Variants in CFL2 observed in about 807,000 individuals in gnomAD.
CFL2 encodes cofilin-2.
In CFL2, 10 loss-of-function variants were observed where a neutral mutation model predicts 19.6. The observed-to-expected ratio is 0.51, with a 90% CI of 0.31 to 0.86. The LOEUF is 0.86. Among genes scored for constraint, CFL2 ranks in the 40% least tolerant of loss-of-function variants. The pLI, the probability that CFL2 is intolerant of heterozygous loss-of-function variation, is 0.04. For missense variants in CFL2, 125 were observed against 192.1 expected (o/e 0.65, Z 2.06); for synonymous variants, 63 against 66.7 (o/e 0.95, Z 0.27).
rs762277448 is a variant in CFL2 at position 34,711,395 on chromosome 14, C to CTGAATT, written c.*1469_*1470insAATTCA. 41 of 454,412 alleles carry CTGAATT rather than the reference C, an allele frequency of 9.0e-5. No individual in the cohort carries two copies. Among genetic ancestry groups the CTGAATT allele is most frequent in the Non-Finnish European group, 2.6e-5 (6 of 226,790 alleles). The allele number at this position is 454,412 out of a possible 1,614,324, so 28.1% of individuals were successfully genotyped here. A position where few individuals can be genotyped will look rare whatever the true frequency, so the allele number is the denominator to read the frequency against. On this transcript the variant is annotated 3_prime_UTR_variant, in exon 4 of 4. Transcript: ENST00000298159. The stretch of plus-strand genomic sequence containing the variant: ...CCTGGCTAACAGCAAACCGCTCACA[C>CTGAATT]TGAGCAGATCAAATTCTCTATAAGG...
intron 1 of CFL2, chr14:34,714,271 G>A (rs1885418505): frequency 4.1e-6 from 2 of 482,074 alleles, no homozygotes; most frequent in South Asian, 3.5e-5. Context: ...GCAGTCCGCA[G>A]ACCCTCTCGC....
intron 1 of CFL2, chr14:34,714,158 G>A: frequency 2.7e-6 from 1 of 374,110 alleles, no homozygotes; most frequent in South Asian, 4.1e-5. Flanking sequence ...ATTACAGGCC[G>A]TCCAGACCCT....
At chr14:34,714,484 G>T in intron 1 of CFL2, 54 bp downstream of exon 1, 1 of 1,542,920 alleles carries the variant, frequency 6.5e-7, no homozygotes, top group Non-Finnish European at 8.7e-7. Flanking sequence ...CCGGGGCCGT[G>T]CGGGGGGCTT....
chr14:34,713,935 T>C, intron 1 of CFL2: 2 of 881,240 alleles, frequency 2.3e-6, no homozygotes. Context: ...TTTCAGTTAA[T>C]GCTTCTACTA....
intron 1 of CFL2, 44 bp downstream of exon 1, chr14:34,714,494 T>C: frequency 1.3e-6 from 2 of 1,556,572 alleles, no homozygotes; most frequent in South Asian, 1.2e-5. Flanking sequence ...GCGGGGGGCT[T>C]TTCTCGCCTC....
intron 2 of CFL2, 38 bp from the exon 3 acceptor site, chr14:34,713,174 AGAAAAACAAAGGTAAGACTG>A: frequency 1.3e-6 from 2 of 1,577,088 alleles, no homozygotes; most frequent in East Asian, 4.5e-5. Context: ...CCCATTTATA[AGAAAAACAAAGGTAAGACTG>A]ACTATGATAA....
rs1885237692 is a variant in CFL2 at position 34,710,239 on chromosome 14, C to A, written c.*2626G>T. 9.0e-6 allele frequency: 2 copies of A among 222,230 alleles called. No individual in the cohort carries two copies. Among genetic ancestry groups the A allele is most frequent in the Non-Finnish European group, 1.8e-5 (2 of 109,848 alleles). The allele number at this position is 222,230 out of a possible 1,614,324, so 13.8% of individuals were successfully genotyped here. ...CTGATAGCCAGTTTGGGACACATGC[C>A]AACTGTTCCCATTTGTCTGAAAATG... On this transcript the variant is annotated 3_prime_UTR_variant, in exon 4 of 4. Coordinates refer to ENST00000298159, the MANE Select transcript of CFL2 (RefSeq NM_138638.5).
chr14:34,710,007 G>C lies in CFL2; in HGVS notation c.*2858C>G, dbSNP rs2040540637. On this transcript the variant is annotated 3_prime_UTR_variant, in exon 4 of 4. Transcript: ENST00000298159. The stretch of plus-strand genomic sequence containing the variant: ...CTCAACCTCTTGATGATTTACCATT[G>C]TTGAGATTATTCCTTAACAAGAAAA... 2 of 152,494 alleles carry C rather than the reference G, an allele frequency of 1.3e-5. No homozygotes were observed. The highest frequency in any genetic ancestry group is 4.8e-5 in the African/African-American group (2 of 41,428). The allele number at this position is 152,494 out of a possible 1,614,324, so 9.4% of individuals were successfully genotyped here.
Position 34,710,694 on chromosome 14 carries a change from CTTAA to C in CFL2, c.*2167_*2170del. On this transcript the variant is annotated 3_prime_UTR_variant, in exon 4 of 4. Transcript: ENST00000298159. The stretch of plus-strand genomic sequence containing the variant: ...CACAAAGATGTATTTCAAAGATGAA[CTTAA>C]TTATATTAGTATCAGTTTTGTCAAT... The C allele has an allele frequency of 2.2e-6, 1 of 451,344 alleles. No individual in the cohort carries two copies. Among genetic ancestry groups the C allele is most frequent in the Non-Finnish European group, 4.4e-6 (1 of 225,978 alleles). The allele number at this position is 451,344 out of a possible 1,614,324, so 28.0% of individuals were successfully genotyped here.
intron 1 of CFL2, chr14:34,714,182 T>C: frequency 5.4e-6 from 2 of 368,496 alleles, no homozygotes; most frequent in East Asian, 4.8e-5. Flanking sequence ...CCACACAGCG[T>C]TCGCAGCACG....
Position 34,713,306 on chromosome 14 carries a change from CA to C in CFL2, c.258del (p.Asp86GlufsTer14). The C allele has an allele frequency of 6.2e-7, 1 of 1,613,792 alleles. No homozygotes were observed. Among genetic ancestry groups the C allele is most frequent in the South Asian group, 1.1e-5 (1 of 90,962 alleles). On this transcript the variant is annotated frameshift_variant, in exon 2 of 4. Transcript: ENST00000298159. LOFTEE classifies it high-confidence loss of function. ...TTAGACTCTTTTGTTTCGTATGTGG[CA>C]TCGTACAAAGCATATCGGCAATCAT... ...PLNDCRYALY[D>X]ATYETKESKK...
Position 34,712,950 on chromosome 14 carries a change from C to G in CFL2, c.416G>C (p.Gly139Ala), listed in dbSNP as rs767724863. ...TGIKHEWQVN[G>A]LDDIKDRSTL... ...CGAACGGTCCTTAATATCATCCAAG[C>G]CATTTACTTGCCACTCATGTTTAAT... is the stretch of plus-strand genomic sequence containing the variant. Residue 139 changes from glycine to alanine, a missense_variant, in exon 4 of 4, where the codon GGC becomes GCC. By Grantham distance (60) the Gly-to-Ala change is moderately conservative. Transcript: ENST00000298159. 2 of 1,609,940 alleles carry G rather than the reference C, an allele frequency of 1.2e-6. No homozygotes were observed. The highest frequency in any genetic ancestry group is 1.7e-6 in the Non-Finnish European group (2 of 1,176,258).
rs752468979 is a variant in CFL2, at chr14:34,711,269, T to C, written c.*1596A>G. The C allele has an allele frequency of 2.2e-6, 1 of 454,558 alleles. No homozygotes were observed. Among genetic ancestry groups the C allele is most frequent in the South Asian group, 1.6e-5 (1 of 64,478 alleles). The allele number at this position is 454,558 out of a possible 1,614,324, so 28.2% of individuals were successfully genotyped here. A position where few individuals can be genotyped will look rare whatever the true frequency, so the allele number is the denominator to read the frequency against. Reference sequence around the variant, plus strand: ...AAGTTCTGAGCCACGACTGACTGCTTACTAGCATGCCTGTTTTGCATACCA... The same window carrying C: ...AAGTTCTGAGCCACGACTGACTGCTCACTAGCATGCCTGTTTTGCATACCA... On this transcript the variant is annotated 3_prime_UTR_variant, in exon 4 of 4. Transcript: ENST00000298159.
Position 34,714,593 on chromosome 14 carries a change from T to G in CFL2, c.-53A>C. On this transcript the variant is annotated 5_prime_UTR_variant, in exon 1 of 4. Coordinates refer to ENST00000298159, the MANE Select transcript of CFL2 (RefSeq NM_138638.5). ...AGCTCGGGCTTCGGCTCTGTGGCAC[T>G]GGGAGGAGAAGGAGGGGCGGGCGAG... is the stretch of plus-strand genomic sequence containing the variant. The G allele has an allele frequency of 1.5e-6, 2 of 1,378,294 alleles. No individual in the cohort carries two copies. Among genetic ancestry groups the G allele is most frequent in the Non-Finnish European group, 2.0e-6 (2 of 996,874 alleles). 85.4% of individuals were successfully genotyped at this position (1,378,294 alleles called of 1,614,324 possible).
In CFL2 at chr14:34,712,410, G is replaced by A. The variant is rs1338773374; in HGVS notation, c.*455C>T. ...GCTGCCATATCACTAAAATAGGCTT[G>A]CCAAGGCAGGTGAGGTGTATGAATG... On this transcript the variant is annotated 3_prime_UTR_variant, in exon 4 of 4. Coordinates refer to ENST00000298159, the MANE Select transcript of CFL2 (RefSeq NM_138638.5). 1 of 455,038 alleles carries A rather than the reference G, an allele frequency of 2.2e-6. No homozygotes were observed. Among genetic ancestry groups the A allele is most frequent in the Non-Finnish European group, 4.4e-6 (1 of 227,156 alleles). 28.2% of individuals were successfully genotyped at this position (455,038 alleles called of 1,614,324 possible).
intron 1 of CFL2, 180 bp downstream of exon 1, chr14:34,714,358 A>C: frequency 9.7e-7 from 1 of 1,030,878 alleles, no homozygotes; most frequent in Non-Finnish European, 1.3e-6. Flanking sequence ...TCCAAAGAGC[A>C]GCAGGGCAGG....
At position 34,710,579 on chromosome 14, in the gene CFL2, T is replaced by C. The variant is rs2138467095; in HGVS notation, c.*2286A>G. 1 of 433,022 alleles carries C rather than the reference T, an allele frequency of 2.3e-6. No individual in the cohort carries two copies. The highest frequency in any genetic ancestry group is 1.7e-5 in the South Asian group (1 of 59,412). The allele number at this position is 433,022 out of a possible 1,614,324, so 26.8% of individuals were successfully genotyped here. On this transcript the variant is annotated 3_prime_UTR_variant, in exon 4 of 4. Transcript: ENST00000298159. ...TGGAACATTGATTCATTATAAATGA[T>C]TGTAAAATAAAATGATCATTTCAAA...
intron 1 of CFL2, chr14:34,714,281 C>A: frequency 2.0e-6 from 1 of 489,940 alleles, no homozygotes; most frequent in Non-Finnish European, 3.5e-6. Context: ...GACCCTCTCG[C>A]GCCCCCGCCC....
Position 34,712,392 on chromosome 14 carries a change from T to TA in CFL2, c.*472dup. 1 of 454,906 alleles carries TA rather than the reference T, an allele frequency of 2.2e-6. No homozygotes were observed. Among genetic ancestry groups the TA allele is most frequent in the Non-Finnish European group, 4.4e-6 (1 of 227,040 alleles). The allele number at this position is 454,906 out of a possible 1,614,324, so 28.2% of individuals were successfully genotyped here. ...GCATAGTGTTATATCCGTGCTGCCA[T>TA]ATCACTAAAATAGGCTTGCCAAGGC... On this transcript the variant is annotated 3_prime_UTR_variant, in exon 4 of 4. Transcript: ENST00000298159.
Sources: allele counts gnomAD v4.1 joint callset, GRCh38; gene constraint gnomAD v4.1.1; transcripts MANE v1.5; gene names NCBI Gene and HGNC (gene_info 2026-07-23, HGNC 2026-07-21).